PCDH11X: variants seen among roughly 807,000 people sequenced by gnomAD.
The protein encoded by PCDH11X is protocadherin-11 X-linked.
A neutral mutation model predicts 53.3 loss-of-function variants in PCDH11X; 18 were observed. That is an observed-to-expected ratio of 0.34 (90% CI 0.23 to 0.50). The LOEUF (loss-of-function observed/expected upper bound fraction) is 0.50, where lower values mean the gene tolerates loss of function less well. Among genes scored for constraint, PCDH11X ranks in the 20% least tolerant of loss-of-function variants. The pLI, the probability that PCDH11X is intolerant of heterozygous loss-of-function variation, is 0.98. For synonymous variants in PCDH11X, 279 were observed against 393.3 expected (o/e 0.71, Z 3.44); for missense variants, 570 against 1,032.4 (o/e 0.55, Z 6.14).
intron 9 of PCDH11X, among the ~76,000 whole-genome samples, chrX:92,456,175 A>G (rs1324145271): frequency 5.4e-5 from 6 of 111,745 alleles, no homozygotes; most frequent in African/African-American, 1.9e-4. Flanking sequence ...ATGATATTTC[A>G]TCTGAGCACA....
intron 1 of PCDH11X, among the ~76,000 whole-genome samples, chrX:91,800,058 C>T (rs1487080681): frequency 8.9e-6 from 1 of 112,553 alleles, no homozygotes; most frequent in Non-Finnish European, 1.9e-5. Context: ...CACTGCATTC[C>T]AGCCTGGGCG....
intron 8 of PCDH11X, among the ~76,000 whole-genome samples, chrX:92,347,001 C>T (rs7059092): frequency 0.15 from 16,617 of 110,981 alleles, 993 homozygotes; most frequent in Middle Eastern, 0.22. Context: ...ACTTTTGAGT[C>T]ATTCCCTTGA....
intron 6 of PCDH11X, among the ~76,000 whole-genome samples, chrX:92,004,924 C>T (rs765592667): frequency 8.4e-4 from 92 of 109,090 alleles, no homozygotes; most frequent in East Asian, 1.5e-3. Context: ...TACGGGCACC[C>T]GCCACCGCGC....
chrX:92,251,215 T>G (rs1400685540), intron 7 of PCDH11X, among the ~76,000 whole-genome samples: 2 of 110,920 alleles, frequency 1.8e-5, no homozygotes, highest in Non-Finnish European at 3.8e-5. Flanking sequence ...AGCTAGGAGT[T>G]GAACCTCGAT....
chrX:92,214,832 T>G (rs2066660407), intron 7 of PCDH11X, among the ~76,000 whole-genome samples: 1 of 110,878 alleles, frequency 9.0e-6, no homozygotes, highest in African/African-American at 3.3e-5. Context: ...GTGGATCATT[T>G]GCACCCAAGA....
rs1291005454 is a variant in PCDH11X at position 92,255,173 on chromosome X, C to T, written c.3115-7941C>T. Among the ~76,000 whole-genome samples the T allele has an allele frequency of 1.1e-3, 117 of 108,090 alleles. 1 individual carries two copies. The highest frequency in any genetic ancestry group is 3.3e-3 in the Admixed American group (33 of 10,064). 93.9% of individuals were successfully genotyped at this position (108,090 alleles called of 115,157 possible). The stretch of plus-strand genomic sequence containing the variant: ...TCTTTTTTCTCTAAACTTCCCTTCT[C>T]GCTTCATTTCATTCATTTCATCTTC... On this transcript the variant is annotated intron_variant, in intron 7 of 10. Coordinates refer to ENST00000682573, the MANE Select transcript of PCDH11X (RefSeq NM_032968.5).
intron 4 of PCDH11X, among the ~76,000 whole-genome samples, chrX:91,819,224 T>C (rs191830485): frequency 3.7e-5 from 4 of 109,128 alleles, no homozygotes; most frequent in African/African-American, 1.3e-4. Flanking sequence ...AAATCATTTT[T>C]CATTTCTTAA....
chrX:91,937,701 TTCTC>T (rs1041644668), intron 6 of PCDH11X, among the ~76,000 whole-genome samples: 3 of 111,290 alleles, frequency 2.7e-5, no homozygotes, highest in Non-Finnish European at 5.7e-5. Flanking sequence ...ATTACACTGT[TTCTC>T]TCTGTCTTTA....
intron 6 of PCDH11X, among the ~76,000 whole-genome samples, chrX:91,990,096 C>T (rs984262994): frequency 5.5e-5 from 6 of 109,807 alleles, no homozygotes; most frequent in Admixed American, 2.9e-4. Flanking sequence ...TGCTGTTAAA[C>T]CCATCCACTG....
At chrX:92,411,855 A>G (rs1204853950) in intron 9 of PCDH11X, among the ~76,000 whole-genome samples, 4 of 92,573 alleles carry the variant, frequency 4.3e-5, no homozygotes, top group Non-Finnish European at 8.3e-5. Flanking sequence ...TTTGAGAGAA[A>G]AGAAGAAAGA....
intron 6 of PCDH11X, among the ~76,000 whole-genome samples, chrX:92,038,020 T>A (rs1364162826): frequency 9.2e-6 from 1 of 108,969 alleles, no homozygotes; most frequent in Non-Finnish European, 1.9e-5. Context: ...GTGGAAGAAA[T>A]TTCTAAGCAG....
chrX:92,086,441 G>T (rs975974299), intron 6 of PCDH11X, among the ~76,000 whole-genome samples: 4 of 110,735 alleles, frequency 3.6e-5, no homozygotes, highest in African/African-American at 9.8e-5. Flanking sequence ...TTCTCCTCAC[G>T]TCTTTGAAGT....
At chrX:92,134,463 T>A (rs1360662040) in intron 6 of PCDH11X, among the ~76,000 whole-genome samples, 1 of 110,636 alleles carries the variant, frequency 9.0e-6, no homozygotes, top group Non-Finnish European at 1.9e-5. Flanking sequence ...ACTTTGACAA[T>A]ACGTTTTACA....
At chrX:92,431,163 G>A (rs2072242615) in intron 9 of PCDH11X, among the ~76,000 whole-genome samples, 1 of 111,074 alleles carries the variant, frequency 9.0e-6, no homozygotes, top group Admixed American at 9.6e-5. Context: ...ATTGAAAACA[G>A]TAAATTGTCT....
chrX:91,874,894 G>T lies in PCDH11X; in HGVS notation c.541-1887G>T, dbSNP rs545661403. Among the ~76,000 whole-genome samples, 76 of 91,889 alleles carry T rather than the reference G, an allele frequency of 8.3e-4. 2 individuals carry two copies. The South Asian group carries it at 0.045, about 55-fold the overall frequency. 79.8% of individuals were successfully genotyped at this position (91,889 alleles called of 115,157 possible). A position where few individuals can be genotyped will look rare whatever the true frequency, so the allele number is the denominator to read the frequency against. On this transcript the variant is annotated intron_variant, in intron 5 of 10. Transcript: ENST00000682573. ...TTTTAGGATCTTGTTTTAGACAGTG[G>T]TATGACAAAACTATAACCTCAGATC... is the stretch of plus-strand genomic sequence containing the variant.
chrX:92,142,159 T>TTA (rs1491241992), intron 6 of PCDH11X, among the ~76,000 whole-genome samples: 6 of 97,100 alleles, frequency 6.2e-5, no homozygotes, highest in African/African-American at 2.0e-4. Context: ...ATTATTATTA[T>TTA]TTTTTTTTTT....
chrX:92,141,088 AAAG>A (rs1419559222), intron 6 of PCDH11X, among the ~76,000 whole-genome samples: 1 of 111,468 alleles, frequency 9.0e-6, no homozygotes, highest in African/African-American at 3.3e-5. Context: ...GATATTATTT[AAAG>A]AAGGGGAAAC....
rs754551331 is a variant in PCDH11X, at chrX:92,038,364, C to T, written c.3033+159091C>T. Among the ~76,000 whole-genome samples, 10 of 110,441 alleles carry T rather than the reference C, an allele frequency of 9.1e-5. No homozygotes were observed. The East Asian group carries it at 2.9e-3, about 32-fold the overall frequency. ...AGCCCAGGGACTTGGTGCCCTATGT[C>T]CCAGGAGCTCCAGCCATGGCTGAAA... On this transcript the variant is annotated intron_variant, in intron 6 of 10. Transcript: ENST00000682573.
chrX:92,525,904 A>C (rs1485788807), intron 10 of PCDH11X, among the ~76,000 whole-genome samples: 1 of 111,089 alleles, frequency 9.0e-6, no homozygotes, highest in African/African-American at 3.3e-5. Context: ...AAATTTTAGA[A>C]GATTAAACAC....
Sources: gnomAD v4.1 joint callset for allele counts (sites outside exome capture counted in the v4.1 genomes callset) on GRCh38, gnomAD v4.1.1 for gene constraint, MANE v1.5 for transcripts, NCBI Gene and HGNC (gene_info 2026-07-23, HGNC 2026-07-21) for gene names.